Variants in CROCC2 observed in about 807,000 individuals in gnomAD.
The protein encoded by CROCC2 is ciliary rootlet coiled-coil protein 2.
A neutral mutation model predicts 177.6 loss-of-function variants in CROCC2; 163 were observed. The observed-to-expected ratio is 0.92, with a 90% CI of 0.81 to 1.05. The LOEUF is 1.05. CROCC2 is among the 50% of genes least tolerant of loss of function. The probability of loss-of-function intolerance (pLI) is 0.00; values close to 1 mark genes in which losing one functional copy is unlikely to be tolerated. For synonymous variants in CROCC2, 904 were observed against 787.3 expected (o/e 1.15, Z -2.48); for missense variants, 1,929 against 1,797.8 (o/e 1.07, Z -1.32).
Position 240,966,010 on chromosome 2 carries a change from G to A in CROCC2, c.3961+17G>A. 4 of 1,336,280 alleles carry A rather than the reference G, an allele frequency of 3.0e-6. No homozygotes were observed. The highest frequency in any genetic ancestry group is 3.8e-6 in the Non-Finnish European group (4 of 1,050,010). The allele number at this position is 1,336,280 out of a possible 1,614,324, so 82.8% of individuals were successfully genotyped here. ...CCACCAAAGGTCAGAGTCCTCAGTGGAGGCAGGCGGGCCCCTCTCCCAGCT... is the reference window on the plus strand; with the variant it reads ...CCACCAAAGGTCAGAGTCCTCAGTGAAGGCAGGCGGGCCCCTCTCCCAGCT... On this transcript the variant is annotated intron_variant, in intron 24 of 31. Transcript: ENST00000690015.
rs1173851323 is a variant in CROCC2, at chr2:240,992,737, G to GC, written c.4947-324dup. Among the ~76,000 whole-genome samples the GC allele has an allele frequency of 8.5e-5, 13 of 152,146 alleles. No homozygotes were observed. In the South Asian group the frequency reaches 1.4e-3, roughly 17 times the overall value. ...GGGGTGGAGGACAGCAGGCAGGCCT[G>GC]CCCCCACTGCTGGAGAGTGCTCTGC... On this transcript the variant is annotated intron_variant, in intron 31 of 31. Transcript: ENST00000690015.
chr2:240,961,209 C>A (rs1464383952), intron 20 of CROCC2, among the ~76,000 whole-genome samples: 1 of 152,220 alleles, frequency 6.6e-6, no homozygotes. Context: ...GTCTCTCAGA[C>A]CCTGCCTGAG....
rs958941793 is a variant in CROCC2, at chr2:240,917,777, C to G, written c.79-949C>G. Among the ~76,000 whole-genome samples the G allele has an allele frequency of 1.3e-5, 2 of 152,184 alleles. No individual in the cohort carries two copies. The highest frequency in any genetic ancestry group is 4.8e-5 in the African/African-American group (2 of 41,446). On this transcript the variant is annotated intron_variant, in intron 1 of 31. Coordinates refer to ENST00000690015, the MANE Select transcript of CROCC2 (RefSeq NM_001351305.2). The surrounding 1 kb of genome is among the most constrained non-coding windows in gnomAD (Gnocchi z 4.9). ...ATTCAGATATCCTTAAGGCAGCAGG[C>G]CGGGGACAGCTGTGGCCTTGCGTAT... is the stretch of plus-strand genomic sequence containing the variant.
chr2:240,938,603 C>A (rs1324625696), intron 14 of CROCC2, among the ~76,000 whole-genome samples: 1 of 152,186 alleles, frequency 6.6e-6, no homozygotes, highest in East Asian at 1.9e-4. Context: ...CCCTCCCCTG[C>A]AAAATAGCCT....
chr2:240,984,397 C>G (rs1174007323), intron 28 of CROCC2, among the ~76,000 whole-genome samples: 1 of 151,988 alleles, frequency 6.6e-6, no homozygotes, highest in African/African-American at 2.4e-5. Context: ...AAATGGCATT[C>G]CAGGAAGCAG....
At chr2:240,975,469 A>G (rs1271570620) in intron 27 of CROCC2, among the ~76,000 whole-genome samples, 1 of 152,234 alleles carries the variant, frequency 6.6e-6, no homozygotes, top group Admixed American at 6.5e-5. Context: ...AAATTGGCCC[A>G]TCGTCGCCCA....
chr2:240,921,659 G>A (rs959838032), intron 3 of CROCC2, among the ~76,000 whole-genome samples: 11 of 152,220 alleles, frequency 7.2e-5, no homozygotes, highest in African/African-American at 1.4e-4. Context: ...CAAGACAGGC[G>A]GAACGGGGTC....
intron 14 of CROCC2, among the ~76,000 whole-genome samples, chr2:240,944,284 T>A (rs1303218612): frequency 6.6e-6 from 1 of 152,248 alleles, no homozygotes; most frequent in Non-Finnish European, 1.5e-5. Context: ...AAGTTGTATA[T>A]ATGTGACATT....
At chr2:240,932,511 G>A in intron 8 of CROCC2, 97 bp downstream of exon 8, 1 of 704,688 alleles carries the variant, frequency 1.4e-6, no homozygotes, top group Non-Finnish European at 2.7e-6. Context: ...GCAGTGGACG[G>A]CCTGCAGGGC....
chr2:240,925,796 G>C lies in CROCC2; in HGVS notation c.561G>C (p.Ala187=). 1 of 716,982 alleles carries C rather than the reference G, an allele frequency of 1.4e-6. No individual in the cohort carries two copies. The highest frequency in any genetic ancestry group is 2.7e-5 in the East Asian group (1 of 37,290). 44.4% of individuals were successfully genotyped at this position (716,982 alleles called of 1,614,324 possible). Residue 187 remains alanine (A), a synonymous_variant, in exon 5 of 32, where the codon GCG becomes GCC. Transcript: ENST00000690015. ...AACATATGAAGAAGGCCAATGACGC[G>C]CTGGGCCGGGAGCTGGCCGGGATGA... is the stretch of plus-strand genomic sequence containing the variant. ...QLEHMKKAND[A]LGRELAGMTG...
At chr2:240,932,521 C>A (rs1373785873) in intron 8 of CROCC2, 107 bp downstream of exon 8, 1 of 701,826 alleles carries the variant, frequency 1.4e-6, no homozygotes, top group Non-Finnish European at 2.7e-6. Flanking sequence ...GCCTGCAGGG[C>A]AAGGTGGGGT....
chr2:240,910,077 C>T (rs1459828121), intron 1 of CROCC2, among the ~76,000 whole-genome samples: 12 of 152,298 alleles, frequency 7.9e-5, no homozygotes, highest in Non-Finnish European at 1.3e-4. Context: ...GCAACCTCTG[C>T]ACAGCACCCC....
At chr2:240,916,778 G>C (rs2059324284) in intron 1 of CROCC2, among the ~76,000 whole-genome samples, 1 of 152,248 alleles carries the variant, frequency 6.6e-6, no homozygotes, top group Non-Finnish European at 1.5e-5. Flanking sequence ...CAGGCGGAGG[G>C]AGGGCGGGGC....
chr2:240,946,014 A>G, intron 14 of CROCC2, 46 bp from the exon 15 acceptor site: 2 of 1,421,222 alleles, frequency 1.4e-6, no homozygotes, highest in Non-Finnish European at 1.9e-6. Context: ...TCACCCACCC[A>G]CTTACTCTCT....
At chr2:240,947,279 C>T (rs2059529462) in intron 15 of CROCC2, among the ~76,000 whole-genome samples, 2 of 152,240 alleles carry the variant, frequency 1.3e-5, no homozygotes, top group African/African-American at 4.8e-5. Flanking sequence ...CCCATGCTCC[C>T]TCCTGGGCCC....
At chr2:240,919,073 CGGGGCTGGGCAAGGTGATG>C (rs1559589610) in intron 2 of CROCC2, among the ~76,000 whole-genome samples, 197 bp downstream of exon 2, 9 of 130,558 alleles carry the variant, frequency 6.9e-5, no homozygotes, top group South Asian at 3.0e-4. Flanking sequence ...GTCCTGGGCC[CGGGGCTGGGCAAGGTGATG>C]GCGTGGGGGA....
intron 27 of CROCC2, among the ~76,000 whole-genome samples, chr2:240,974,587 C>A (rs2059746800): frequency 7.4e-6 from 1 of 134,440 alleles, no homozygotes; most frequent in Non-Finnish European, 1.5e-5. Flanking sequence ...CTAGGCTAGT[C>A]TCAAACTCCT....
At position 240,933,732 on chromosome 2, in the gene CROCC2, C is replaced by T. The variant is rs1559595935; in HGVS notation, c.1526C>T (p.Ala509Val). Residue 509 changes from alanine (A) to valine (V), a missense_variant, in exon 11 of 32, where the codon GCG becomes GTG. Physicochemically the swap from Ala to Val is moderately conservative, Grantham distance 64. This residue lies in a region of CROCC2 where 1,397 missense variants were observed against 1,239.9 expected (regional missense o/e 1.13). Transcript: ENST00000690015. ...AAAGGGAAGGCAGATGCTGCAGATG[C>T]GGAGAAGCAGGGGCTGGAGGCCGAG... The part of the protein sequence containing the change: ...ELKGKADAAD[A>V]EKQGLEAEAA... The T allele has an allele frequency of 5.8e-6, 9 of 1,550,132 alleles. No homozygotes were observed. The highest frequency in any genetic ancestry group is 2.4e-5 in the East Asian group (1 of 40,928).
chr2:240,922,475 G>T (rs2059362545), intron 3 of CROCC2, 64 bp from the exon 4 acceptor site: 1 of 636,650 alleles, frequency 1.6e-6, no homozygotes, highest in East Asian at 2.9e-5. Flanking sequence ...TGCCCAAGAT[G>T]CCCCAGCCCC....
Sources: allele counts gnomAD v4.1 joint callset (sites outside exome capture counted in the v4.1 genomes callset), GRCh38; gene constraint gnomAD v4.1.1; regional missense constraint gnomAD v4.1.1; non-coding constraint Gnocchi (gnomAD v3.1); transcripts MANE v1.5; gene names NCBI Gene and HGNC (gene_info 2026-07-23, HGNC 2026-07-21).